Variants in GLIS3 observed in about 807,000 individuals in gnomAD.
The protein encoded by GLIS3 is zinc finger protein GLIS3.
In GLIS3, 53 loss-of-function variants were observed where a neutral mutation model predicts 78.6. That is an observed-to-expected ratio of 0.67 (90% CI 0.54 to 0.85). GLIS3 has a LOEUF of 0.85. Among genes scored for constraint, GLIS3 ranks in the 40% least tolerant of loss-of-function variants. The pLI is 0.00. For synonymous variants in GLIS3, 684 were observed against 509.9 expected (o/e 1.34, Z -4.60); for missense variants, 1,703 against 1,231.1 (o/e 1.38, Z -5.74).
chr9:3,992,877 A>T (rs1355751042), intron 4 of GLIS3, among the ~76,000 whole-genome samples: 1 of 152,060 alleles, frequency 6.6e-6, no homozygotes, highest in African/African-American at 2.4e-5. Context: ...ATCATACAAC[A>T]TTTTCTTTAG....
At chr9:4,433,103 C>T in the GLIS3 span, among the ~76,000 whole-genome samples, 700 of 152,298 alleles carry the variant, frequency 4.6e-3, 4 homozygotes, top group Non-Finnish European at 5.9e-3. Flanking sequence ...CTTCAGTTAT[C>T]GAGCTATATA....
At chr9:4,320,205 G>C (rs1817503758) in intron 2 of GLIS3, among the ~76,000 whole-genome samples, 1 of 152,106 alleles carries the variant, frequency 6.6e-6, no homozygotes. Context: ...CTTCCATTCT[G>C]AATGTCTCTG....
intron 4 of GLIS3, among the ~76,000 whole-genome samples, chr9:4,062,339 G>C (rs574288687): frequency 6.6e-6 from 1 of 152,344 alleles, no homozygotes; most frequent in Non-Finnish European, 1.5e-5. Flanking sequence ...GATTGGGAGA[G>C]AGGTGGAAAG....
chr9:4,380,819 G>C, the GLIS3 span, among the ~76,000 whole-genome samples: 1 of 152,180 alleles, frequency 6.6e-6, no homozygotes, highest in Non-Finnish European at 1.5e-5. Context: ...GGAGATGCAA[G>C]ACCCTCCCAA....
chr9:4,040,876 G>A (rs1016232077), intron 4 of GLIS3, among the ~76,000 whole-genome samples: 1 of 152,122 alleles, frequency 6.6e-6, no homozygotes, highest in Non-Finnish European at 1.5e-5. Flanking sequence ...CTCAAAGGTG[G>A]TCTCCTGGTC....
chr9:4,423,951 C>T, the GLIS3 span, among the ~76,000 whole-genome samples: 1 of 152,164 alleles, frequency 6.6e-6, no homozygotes, highest in Non-Finnish European at 1.5e-5. Context: ...TAATCCACCA[C>T]AAAATAGTGC....
At chr9:3,830,650 A>G (rs766754356) in intron 9 of GLIS3, among the ~76,000 whole-genome samples, 1 of 152,228 alleles carries the variant, frequency 6.6e-6, no homozygotes. Context: ...GATTTCTTCC[A>G]CAAACACTAA....
At chr9:4,461,072 G>A in the GLIS3 span, among the ~76,000 whole-genome samples, 2 of 152,090 alleles carry the variant, frequency 1.3e-5, no homozygotes, top group Admixed American at 1.3e-4. Flanking sequence ...ACCAAATGAG[G>A]AATTCTCTAA....
Position 4,314,534 on chromosome 9 carries a change from AAAAG to A in GLIS3, n.265-4010_265-4007del, listed in dbSNP as rs982805743. 9.3e-4 allele frequency among the ~76,000 whole-genome samples: 141 copies of A among 152,360 alleles called. 1 individual carries two copies. Among genetic ancestry groups the A allele is most frequent in the Non-Finnish European group, 2.9e-4 (20 of 68,032 alleles). ...ATGATGCTATGTGGTCTTCAGGCAA[AAAAG>A]AAAGAAAGTAAGGGATCTTCTGTCA... is the stretch of plus-strand genomic sequence containing the variant. On this transcript the variant is annotated intron_variant and non_coding_transcript_variant, in intron 2 of 4. Transcript: ENST00000471664.
At chr9:4,045,777 T>A (rs558759860) in intron 4 of GLIS3, among the ~76,000 whole-genome samples, 1 of 152,182 alleles carries the variant, frequency 6.6e-6, no homozygotes, top group Non-Finnish European at 1.5e-5. Flanking sequence ...CTAGATATTA[T>A]GAGTCCTTGC....
At chr9:3,945,445 G>GAGT (rs1042301564) in intron 4 of GLIS3, among the ~76,000 whole-genome samples, 8 of 152,170 alleles carry the variant, frequency 5.3e-5, no homozygotes, top group African/African-American at 1.9e-4. Context: ...CTTGCACAAT[G>GAGT]AGTACTTCAT....
chr9:4,441,720 C>A, the GLIS3 span, among the ~76,000 whole-genome samples: 1 of 152,144 alleles, frequency 6.6e-6, no homozygotes, highest in African/African-American at 2.4e-5. Flanking sequence ...CATCCTTCCA[C>A]CTCAACCTCC....
chr9:4,358,912 C>G, the GLIS3 span, among the ~76,000 whole-genome samples: 8 of 152,206 alleles, frequency 5.3e-5, no homozygotes, highest in African/African-American at 1.9e-4. Context: ...CACTCTCCCA[C>G]TCCAAGACTT....
chr9:4,260,150 G>A (rs1269034847), intron 2 of GLIS3, among the ~76,000 whole-genome samples: 2 of 152,200 alleles, frequency 1.3e-5, no homozygotes, highest in Admixed American at 1.3e-4. Context: ...TTAAAAGACT[G>A]ACATTGGGCC....
chr9:4,362,967 GAAGA>G, the GLIS3 span, among the ~76,000 whole-genome samples: 1 of 152,270 alleles, frequency 6.6e-6, no homozygotes, highest in East Asian at 1.9e-4. Context: ...CAATCAAAGA[GAAGA>G]TAGAGGCAGA....
chr9:4,059,277 T>C (rs1826420785), intron 4 of GLIS3, among the ~76,000 whole-genome samples: 1 of 152,228 alleles, frequency 6.6e-6, no homozygotes, highest in Admixed American at 6.5e-5. Flanking sequence ...CTCTCAGCTT[T>C]AAAGCACAGG....
intron 2 of GLIS3, among the ~76,000 whole-genome samples, chr9:4,272,539 T>A (rs1184644722): frequency 2.6e-5 from 4 of 152,182 alleles, no homozygotes. Flanking sequence ...TTATTTTCAA[T>A]GGGAATACCT....
At chr9:3,962,128 G>T (rs956866560) in intron 4 of GLIS3, among the ~76,000 whole-genome samples, 2 of 152,168 alleles carry the variant, frequency 1.3e-5, no homozygotes, top group Non-Finnish European at 2.9e-5. Flanking sequence ...GCTGAGGTAG[G>T]AGGATGGCTT....
chr9:4,125,812 G>T lies in GLIS3; in HGVS notation c.518C>A (p.Thr173Lys). ...LISPPASQVS[T>K]ACNQISPSLQ... ...GCTAGGACTGATCTGGTTGCATGCT[G>T]TAGAGACCTGGCTTGCTGGAGGTGA... Residue 173 changes from threonine to lysine, a missense_variant, in exon 3 of 11, where the codon ACA becomes AAA. Coordinates refer to ENST00000381971, the MANE Select transcript of GLIS3 (RefSeq NM_001042413.2). 4 of 1,614,132 alleles carry T rather than the reference G, an allele frequency of 2.5e-6. No homozygotes were observed. Among genetic ancestry groups the T allele is most frequent in the Non-Finnish European group, 3.4e-6 (4 of 1,179,972 alleles).
Sources: allele counts gnomAD v4.1 joint callset (sites outside exome capture counted in the v4.1 genomes callset), GRCh38; gene constraint gnomAD v4.1.1; transcripts MANE v1.5; gene names NCBI Gene and HGNC (gene_info 2026-07-23, HGNC 2026-07-21).